The following KCNN2 variants were observed in gnomAD, a reference collection of about 807,000 sequenced individuals.
The protein encoded by KCNN2 is small conductance calcium-activated potassium channel protein 2.
Under a neutral mutation model 55.5 loss-of-function variants are expected in KCNN2, and 24 were observed. The ratio of observed to expected loss-of-function variants is 0.43; its 90% CI spans 0.31 to 0.61. The LOEUF is 0.61. KCNN2 is among the 20% of genes least tolerant of loss of function. KCNN2 has a pLI of 0.08. For missense variants in KCNN2, 754 were observed against 853.6 expected, an observed-to-expected ratio of 0.88 and a Z score of 1.45; for synonymous variants, 431 against 336.1, an observed-to-expected ratio of 1.28 and a Z score of -3.09.
chr5:114,493,342 G>A (rs1747953917), intron 6 of KCNN2, 61 bp from the exon 7 acceptor site: 2 of 1,002,448 alleles, frequency 2.0e-6, no homozygotes, highest in African/African-American at 3.2e-5. Flanking sequence ...ATGCTCTTTG[G>A]AAGGCATAAG....
At chr5:114,453,004 T>C (rs193264286) in intron 3 of KCNN2, among the ~76,000 whole-genome samples, 104 of 152,332 alleles carry the variant, frequency 6.8e-4, no homozygotes, top group African/African-American at 2.4e-3. Flanking sequence ...CTTGCATCTC[T>C]CTGAGCCTGC....
chr5:114,209,879 G>A (rs909471885), intron 1 of KCNN2, among the ~76,000 whole-genome samples: 2 of 152,116 alleles, frequency 1.3e-5, no homozygotes, highest in African/African-American at 4.8e-5. Context: ...ATTATTCACA[G>A]ATTCCTTATT....
intron 1 of KCNN2, among the ~76,000 whole-genome samples, chr5:114,104,147 G>T (rs956783404): frequency 3.3e-5 from 5 of 152,028 alleles, no homozygotes; most frequent in Non-Finnish European, 2.9e-5. Flanking sequence ...TTCTGGTTTA[G>T]TTTTGGGAGG....
intron 1 of KCNN2, among the ~76,000 whole-genome samples, chr5:114,155,668 C>G (rs1192086463): frequency 1.3e-5 from 2 of 152,084 alleles, no homozygotes; most frequent in African/African-American, 4.8e-5. Flanking sequence ...TGATTGTTGG[C>G]CACATGTATA....
At chr5:114,387,282 G>T (rs73782220) in intron 2 of KCNN2, among the ~76,000 whole-genome samples, 3,589 of 152,228 alleles carry the variant, frequency 0.024, 113 homozygotes, top group African/African-American at 0.078. Context: ...TGACAAACTT[G>T]CCACTTAATG....
chr5:114,437,614 A>G (rs1465270214), intron 3 of KCNN2, among the ~76,000 whole-genome samples: 1 of 152,218 alleles, frequency 6.6e-6, no homozygotes, highest in Admixed American at 6.5e-5. Flanking sequence ...TTTGGGGACT[A>G]TTGAAAGTGT....
chr5:114,176,226 A>C (rs1276468975), intron 1 of KCNN2, among the ~76,000 whole-genome samples: 1 of 152,180 alleles, frequency 6.6e-6, no homozygotes, highest in Non-Finnish European at 1.5e-5. Flanking sequence ...GTGGCAACCA[A>C]AAATGTCTTC....
Position 114,227,880 on chromosome 5 carries a change from T to C in KCNN2, c.-185+6315T>C, listed in dbSNP as rs1311636307. Among the ~76,000 whole-genome samples, 6 of 152,222 alleles carry C rather than the reference T, an allele frequency of 3.9e-5. No individual in the cohort carries two copies. The South Asian group carries it at 8.3e-4, about 21-fold the overall frequency. ...AAGAGTATATATGAGTGTATATATA[T>C]ATAGTAGGTGAATATATGTTGGAAC... On this transcript the variant is annotated intron_variant, in intron 2 of 10. Coordinates refer to the KCNN2 transcript ENST00000512097.
chr5:114,353,700 C>A (rs163301), intron 2 of KCNN2, among the ~76,000 whole-genome samples: 1 of 151,526 alleles, frequency 6.6e-6, no homozygotes, highest in African/African-American at 2.4e-5. Flanking sequence ...TGTTTGTTAA[C>A]GTTACTAAAT....
At chr5:114,312,208 T>G (rs1293609941) in intron 2 of KCNN2, among the ~76,000 whole-genome samples, 1 of 151,794 alleles carries the variant, frequency 6.6e-6, no homozygotes, top group Middle Eastern at 3.2e-3. Context: ...CTTCTTGGCG[T>G]GAGTTTTTGG....
At chr5:114,240,631 A>C (rs1345750176) in intron 2 of KCNN2, among the ~76,000 whole-genome samples, 1 of 152,032 alleles carries the variant, frequency 6.6e-6, no homozygotes, top group Non-Finnish European at 1.5e-5. Flanking sequence ...GGGTTTCGCC[A>C]TGTTGCCCAG....
chr5:114,356,102 T>C (rs1157750289), intron 2 of KCNN2, among the ~76,000 whole-genome samples: 2 of 152,146 alleles, frequency 1.3e-5, no homozygotes, highest in East Asian at 1.9e-4. Context: ...GAAGAAGAGC[T>C]AGCAGAGTGT....
At chr5:114,160,818 G>C (rs1752758180) in intron 1 of KCNN2, among the ~76,000 whole-genome samples, 1 of 152,050 alleles carries the variant, frequency 6.6e-6, no homozygotes, top group Non-Finnish European at 1.5e-5. Context: ...CAGAGACTAG[G>C]ATTGCAACCC....
intron 2 of KCNN2, among the ~76,000 whole-genome samples, chr5:114,383,981 A>G (rs750763200): frequency 1.3e-5 from 2 of 152,244 alleles, no homozygotes; most frequent in Admixed American, 6.5e-5. Context: ...TACATTATAC[A>G]CATTGTCTCA....
intron 2 of KCNN2, among the ~76,000 whole-genome samples, chr5:114,402,964 A>T (rs978565142): frequency 6.6e-6 from 1 of 152,220 alleles, no homozygotes; most frequent in Admixed American, 6.5e-5. Flanking sequence ...AGGGCCTGAA[A>T]AAAAGAGAGT....
intron 1 of KCNN2, among the ~76,000 whole-genome samples, chr5:114,108,565 A>G (rs1751533805): frequency 6.6e-6 from 1 of 152,110 alleles, no homozygotes; most frequent in Non-Finnish European, 1.5e-5. Flanking sequence ...TTCACAGATT[A>G]CATTAGTTTT....
At chr5:114,395,165 T>A (rs1052280248) in intron 2 of KCNN2, among the ~76,000 whole-genome samples, 1 of 152,160 alleles carries the variant, frequency 6.6e-6, no homozygotes. Context: ...GCAGCCGAGC[T>A]CCTTCTGGTG....
chr5:114,147,994 G>A (rs1379109090), intron 1 of KCNN2, among the ~76,000 whole-genome samples: 3 of 152,044 alleles, frequency 2.0e-5, no homozygotes, highest in Admixed American at 6.6e-5. Flanking sequence ...TCCACATAAC[G>A]AAGAATGTAA....
In KCNN2 at chr5:114,088,185, A is replaced by T. The variant is rs530715818; in HGVS notation, c.-271+31685A>T. Among the ~76,000 whole-genome samples the T allele has an allele frequency of 1.5e-3, 223 of 152,270 alleles. 2 individuals carry two copies. The highest frequency in any genetic ancestry group is 5.1e-3 in the African/African-American group (212 of 41,576). On this transcript the variant is annotated intron_variant, in intron 1 of 10. Coordinates refer to the KCNN2 transcript ENST00000512097. Reference sequence around the variant, plus strand: ...TAGTTTTTCTCTTTCAGAATTTTACAAACAGACATTTATTGTTTTATGGCT... The same window carrying T: ...TAGTTTTTCTCTTTCAGAATTTTACTAACAGACATTTATTGTTTTATGGCT...
Sources: allele counts gnomAD v4.1 joint callset (sites outside exome capture counted in the v4.1 genomes callset), GRCh38; gene constraint gnomAD v4.1.1; transcripts MANE v1.5; gene names NCBI Gene and HGNC (gene_info 2026-07-23, HGNC 2026-07-21).